The following COG5 variants were observed in gnomAD, a reference collection of about 807,000 sequenced individuals.
COG5 encodes the protein component of oligomeric golgi complex 5.
COG5 carries 86 observed loss-of-function variants against 110.4 expected under a neutral mutation model. The observed-to-expected ratio is 0.78, with a 90% confidence interval of 0.65 to 0.93. The LOEUF (loss-of-function observed/expected upper bound fraction) is 0.93, where lower values mean the gene tolerates loss of function less well. Among genes scored for constraint, COG5 ranks in the 40% least tolerant of loss-of-function variants. The probability of loss-of-function intolerance (pLI) is 0.00; values close to 1 mark genes in which losing one functional copy is unlikely to be tolerated. For synonymous variants in COG5, 360 were observed against 334.6 expected (o/e 1.08, Z -0.83); for missense variants, 1,077 against 987.0 (o/e 1.09, Z -1.22).
chr7:107,558,225 G>T, intron 1 of COG5, 110 bp from the exon 2 acceptor site: 3 of 1,058,460 alleles, frequency 2.8e-6, no homozygotes, highest in Non-Finnish European at 2.8e-6. Context: ...CCCATACTCT[G>T]AACCACTCCA....
At chr7:107,473,955 A>AT (rs11453718) in intron 6 of COG5, 524,476 of 525,380 alleles carry the variant, frequency 1, 261,787 homozygotes, top group African/African-American at 1. Flanking sequence ...CAATTGAAAG[A>AT]TTTTTTTTCT....
chr7:107,406,814 T>G (rs1001137620), intron 7 of COG5, among the ~76,000 whole-genome samples: 1 of 152,136 alleles, frequency 6.6e-6, no homozygotes, highest in African/African-American at 2.4e-5. Flanking sequence ...TGCATAAAGA[T>G]ATATACAAAT....
chr7:107,257,470 T>C (rs1341974918), intron 15 of COG5, among the ~76,000 whole-genome samples: 2 of 152,104 alleles, frequency 1.3e-5, no homozygotes, highest in South Asian at 2.1e-4. Context: ...AAGTGAGTAA[T>C]AGTCACTTAG....
intron 6 of COG5, among the ~76,000 whole-genome samples, chr7:107,443,121 TGAAAA>T (rs1794818809): frequency 6.6e-6 from 1 of 151,974 alleles, no homozygotes; most frequent in Non-Finnish European, 1.5e-5. Flanking sequence ...TGTCAGCTGA[TGAAAA>T]GAAAAACAAA....
At chr7:107,550,946 A>C (rs1181677805) in intron 3 of COG5, among the ~76,000 whole-genome samples, 1 of 151,994 alleles carries the variant, frequency 6.6e-6, no homozygotes, top group Non-Finnish European at 1.5e-5. Context: ...AAGGACAGTG[A>C]CTTTGTCTAT....
intron 6 of COG5, among the ~76,000 whole-genome samples, chr7:107,499,208 A>G (rs988729303): frequency 6.6e-6 from 1 of 152,146 alleles, no homozygotes; most frequent in African/African-American, 2.4e-5. Context: ...AAGATAAGTA[A>G]GTTCTAGAGA....
intron 6 of COG5, among the ~76,000 whole-genome samples, chr7:107,521,361 T>G (rs1263010178): frequency 6.6e-6 from 1 of 152,170 alleles, no homozygotes; most frequent in Non-Finnish European, 1.5e-5. Context: ...ACAGGCAACC[T>G]ACAGGATGGA....
At chr7:107,204,106 T>A (rs1798571358) in intron 21 of COG5, among the ~76,000 whole-genome samples, 1 of 152,226 alleles carries the variant, frequency 6.6e-6, no homozygotes, top group Non-Finnish European at 1.5e-5. Context: ...TGATGAACTA[T>A]GAACAACCAA....
intron 7 of COG5, among the ~76,000 whole-genome samples, chr7:107,384,571 C>A (rs73187359): frequency 2.0e-5 from 3 of 152,064 alleles, no homozygotes; most frequent in African/African-American, 7.2e-5. Context: ...TGTCTGAAAG[C>A]CTAAATTTTT....
intron 14 of COG5, among the ~76,000 whole-genome samples, chr7:107,260,815 A>C (rs1389459810): frequency 6.6e-6 from 1 of 152,198 alleles, no homozygotes; most frequent in African/African-American, 2.4e-5. Flanking sequence ...TAAGTCTCCA[A>C]AAGACTGGAG....
chr7:107,218,649 C>G (rs1346941670), intron 19 of COG5, among the ~76,000 whole-genome samples: 4 of 151,910 alleles, frequency 2.6e-5, no homozygotes, highest in Admixed American at 2.0e-4. Flanking sequence ...GGATATCCAT[C>G]TAAAGAAGAA....
chr7:107,551,278 C>T lies in COG5; in HGVS notation c.293-2946G>A, dbSNP rs761520520. Among the ~76,000 whole-genome samples, 4 of 152,046 alleles carry T rather than the reference C, an allele frequency of 2.6e-5. 1 individual carries two copies. In the South Asian group the frequency reaches 6.2e-4, roughly 24 times the overall value. Reference sequence around the variant, plus strand: ...AGGATGGGAGGCTACCTCTTTTTGACAAAAAGAAGCTTAATAAATATTCCT... The same window carrying T: ...AGGATGGGAGGCTACCTCTTTTTGATAAAAAGAAGCTTAATAAATATTCCT... On this transcript the variant is annotated intron_variant, in intron 3 of 21. Transcript: ENST00000297135.
chr7:107,461,154 G>C (rs953139698), intron 6 of COG5, among the ~76,000 whole-genome samples: 1 of 151,880 alleles, frequency 6.6e-6, no homozygotes, highest in Admixed American at 6.6e-5. Flanking sequence ...GAAAATGACA[G>C]ACCAATAGGC....
chr7:107,219,826 T>G (rs1300658199), intron 19 of COG5, among the ~76,000 whole-genome samples: 19 of 152,268 alleles, frequency 1.2e-4, no homozygotes, highest in Non-Finnish European at 2.8e-4. Flanking sequence ...TAGAATAAAT[T>G]TCAAATGTTC....
chr7:107,222,081 A>G (rs1342838368), intron 19 of COG5, among the ~76,000 whole-genome samples: 2 of 152,210 alleles, frequency 1.3e-5, no homozygotes, highest in African/African-American at 2.4e-5. Flanking sequence ...GTACATGCGC[A>G]TAACAGCATG....
intron 6 of COG5, among the ~76,000 whole-genome samples, chr7:107,515,167 A>T (rs1007068158): frequency 6.6e-6 from 1 of 152,222 alleles, no homozygotes; most frequent in South Asian, 2.1e-4. Flanking sequence ...TGGTTACTTT[A>T]TGGGAAATTT....
chr7:107,512,250 T>C (rs1248174768), intron 6 of COG5, among the ~76,000 whole-genome samples: 1 of 151,968 alleles, frequency 6.6e-6, no homozygotes, highest in East Asian at 1.9e-4. Flanking sequence ...TATACACCAA[T>C]AACAGACAAA....
chr7:107,320,673 T>C (rs1809182906), intron 11 of COG5, among the ~76,000 whole-genome samples: 1 of 152,190 alleles, frequency 6.6e-6, no homozygotes, highest in Non-Finnish European at 1.5e-5. Context: ...TTTCATTGTC[T>C]AGTATCTTAA....
intron 6 of COG5, among the ~76,000 whole-genome samples, chr7:107,489,896 T>C (rs1797882004): frequency 6.6e-6 from 1 of 152,154 alleles, no homozygotes; most frequent in African/African-American, 2.4e-5. Flanking sequence ...TTTGCCCATC[T>C]GCAAAATGAT....
Sources: gnomAD v4.1 joint callset for allele counts (sites outside exome capture counted in the v4.1 genomes callset) on GRCh38, gnomAD v4.1.1 for gene constraint, MANE v1.5 for transcripts, NCBI Gene and HGNC (gene_info 2026-07-23, HGNC 2026-07-21) for gene names.